Variants in GPR63 observed in about 807,000 individuals in gnomAD.
GPR63 encodes the protein probable G protein-coupled receptor 63.
A neutral mutation model predicts 23.1 loss-of-function variants in GPR63; 12 were observed. The observed-to-expected ratio is 0.52, with a 90% CI of 0.33 to 0.84. The LOEUF (loss-of-function observed/expected upper bound fraction) is 0.84, where lower values mean the gene tolerates loss of function less well. Among genes scored for constraint, GPR63 ranks in the 40% least tolerant of loss-of-function variants. The pLI is 0.02. For missense variants in GPR63, 472 were observed against 515.6 expected (o/e 0.92, Z 0.82); for synonymous variants, 172 against 191.1 (o/e 0.90, Z 0.82).
intron 1 of GPR63, among the ~76,000 whole-genome samples, chr6:96,831,784 T>TAA (rs1324481907): frequency 1.3e-5 from 2 of 151,866 alleles, no homozygotes; most frequent in African/African-American, 4.8e-5. Context: ...TCGGCACCAG[T>TAA]AATCCCAGGT....
intron 1 of GPR63, among the ~76,000 whole-genome samples, chr6:96,820,383 G>A (rs1027452085): frequency 7.2e-5 from 11 of 152,028 alleles, no homozygotes; most frequent in African/African-American, 1.9e-4. Flanking sequence ...TATTCTCATC[G>A]GTAAAGGGCA....
At chr6:96,814,503 C>A (rs1774115200) in intron 1 of GPR63, among the ~76,000 whole-genome samples, 1 of 152,104 alleles carries the variant, frequency 6.6e-6, no homozygotes, top group Non-Finnish European at 1.5e-5. Context: ...GAGAATTAAA[C>A]CAAGGCTCAG....
intron 1 of GPR63, among the ~76,000 whole-genome samples, chr6:96,826,603 GTT>G (rs1307598015): frequency 5.3e-5 from 8 of 151,974 alleles, no homozygotes; most frequent in Non-Finnish European, 1.2e-4. Context: ...TTTTATACAT[GTT>G]TATGATCCCA....
At position 96,795,232 on chromosome 6, in the gene GPR63, T is replaced by G. The variant is rs187124330; in HGVS notation, c.*3240A>C. 6.6e-6 allele frequency: 1 copy of G among 152,226 alleles called. No homozygotes were observed. Among genetic ancestry groups the G allele is most frequent in the Non-Finnish European group, 1.5e-5 (1 of 68,036 alleles). The allele number at this position is 152,226 out of a possible 1,614,324, so 9.4% of individuals were successfully genotyped here. A position where few individuals can be genotyped will look rare whatever the true frequency, so the allele number is the denominator to read the frequency against. On this transcript the variant is annotated 3_prime_UTR_variant, in exon 2 of 2. Transcript: ENST00000229955. ...ACTCCATACTATTTGGAATTTCCCTTGCATCTTTCTTTTGACCACAAATAT... is the reference window on the plus strand; with the variant it reads ...ACTCCATACTATTTGGAATTTCCCTGGCATCTTTCTTTTGACCACAAATAT...
At chr6:96,827,728 G>A (rs1488653514) in intron 1 of GPR63, among the ~76,000 whole-genome samples, 1 of 152,016 alleles carries the variant, frequency 6.6e-6, no homozygotes, top group African/African-American at 2.4e-5. Flanking sequence ...ATAAAATTCA[G>A]AAGACAATGA....
chr6:96,799,158 G>C lies in GPR63; in HGVS notation c.574C>G (p.Pro192Ala), dbSNP rs1773684273. 6.2e-7 allele frequency: 1 copy of C among 1,614,070 alleles called. No homozygotes were observed. Among genetic ancestry groups the C allele is most frequent in the East Asian group, 2.2e-5 (1 of 44,882 alleles). ...IIVQRQDKLN[P>A]YRAKVLIAVS... ...GCAATCAGAACCTTAGCTCTATATGGGTTTAGCTTATCCTGCCTCTGGACT... is the reference window on the plus strand; with the variant it reads ...GCAATCAGAACCTTAGCTCTATATGCGTTTAGCTTATCCTGCCTCTGGACT... The change falls in exon 2 of 2, where the codon CCA becomes GCA. Residue 192 changes from proline to alanine, a missense_variant. Pro to Ala is a conservative substitution (Grantham distance 27, BLOSUM62 -1). Coordinates refer to ENST00000229955, the MANE Select transcript of GPR63 (RefSeq NM_030784.4).
At chr6:96,809,023 G>C (rs1373459938) in intron 1 of GPR63, among the ~76,000 whole-genome samples, 1 of 151,206 alleles carries the variant, frequency 6.6e-6, no homozygotes, top group East Asian at 1.9e-4. Flanking sequence ...CTTCAAGATG[G>C]TTTTATTCTC....
chr6:96,835,261 C>T (rs1774695479), intron 1 of GPR63, among the ~76,000 whole-genome samples: 1 of 152,128 alleles, frequency 6.6e-6, no homozygotes, highest in East Asian at 1.9e-4. Flanking sequence ...TTTAGACCTA[C>T]TGTTCCTGGT....
chr6:96,807,256 T>C (rs779864748), intron 1 of GPR63, among the ~76,000 whole-genome samples: 12 of 152,188 alleles, frequency 7.9e-5, no homozygotes, highest in Admixed American at 2.6e-4. Flanking sequence ...ATGAACAACA[T>C]AGCCATGGCA....
chr6:96,813,140 C>G (rs902656165), intron 1 of GPR63, among the ~76,000 whole-genome samples: 26 of 152,060 alleles, frequency 1.7e-4, no homozygotes, highest in African/African-American at 6.3e-4. Flanking sequence ...CCATAATGAC[C>G]TCCAGTTCCA....
chr6:96,819,523 A>T (rs1180413073), intron 1 of GPR63, among the ~76,000 whole-genome samples: 2 of 151,534 alleles, frequency 1.3e-5, no homozygotes, highest in Non-Finnish European at 2.9e-5. Flanking sequence ...GTCGGGGTGC[A>T]GGGGGACAGG....
chr6:96,819,837 G>A (rs542248798), intron 1 of GPR63, among the ~76,000 whole-genome samples: 24 of 151,524 alleles, frequency 1.6e-4, no homozygotes, highest in African/African-American at 5.8e-4. Flanking sequence ...TTAGCTAGGC[G>A]TGGTGGCGGG....
chr6:96,812,407 C>T (rs1397572856), intron 1 of GPR63, among the ~76,000 whole-genome samples: 2 of 152,072 alleles, frequency 1.3e-5, no homozygotes, highest in African/African-American at 2.4e-5. Flanking sequence ...GATTTATTTG[C>T]CTTCCTGTTA....
At chr6:96,827,074 C>A (rs1774458991) in intron 1 of GPR63, among the ~76,000 whole-genome samples, 1 of 144,448 alleles carries the variant, frequency 6.9e-6, no homozygotes, top group African/African-American at 2.5e-5. Flanking sequence ...ACAAAAACCT[C>A]AAAATAAAGC....
intron 1 of GPR63, among the ~76,000 whole-genome samples, chr6:96,836,632 A>T (rs570646183): frequency 2.0e-5 from 3 of 152,158 alleles, no homozygotes; most frequent in African/African-American, 7.2e-5. Flanking sequence ...CCTCCACAAC[A>T]TATTTTATTA....
intron 1 of GPR63, among the ~76,000 whole-genome samples, chr6:96,807,800 A>C (rs763514472): frequency 6.6e-6 from 1 of 152,216 alleles, no homozygotes. Flanking sequence ...GTTAGGAAGT[A>C]TAATATCAAA....
intron 1 of GPR63, among the ~76,000 whole-genome samples, chr6:96,836,488 G>C (rs1440342328): frequency 6.6e-6 from 1 of 152,042 alleles, no homozygotes; most frequent in East Asian, 1.9e-4. Flanking sequence ...TGCTACTATA[G>C]GGATGCCTGT....
At chr6:96,820,544 T>G (rs1194560797) in intron 1 of GPR63, among the ~76,000 whole-genome samples, 1 of 152,192 alleles carries the variant, frequency 6.6e-6, no homozygotes, top group Non-Finnish European at 1.5e-5. Context: ...CTTTTTATAT[T>G]AATCTCTAGG....
At chr6:96,816,603 G>T (rs1774171243) in intron 1 of GPR63, among the ~76,000 whole-genome samples, 1 of 152,194 alleles carries the variant, frequency 6.6e-6, no homozygotes. Flanking sequence ...TGCAATTCGT[G>T]TTATTTTTCA....
Sources: gnomAD v4.1 joint callset for allele counts (sites outside exome capture counted in the v4.1 genomes callset) on GRCh38, gnomAD v4.1.1 for gene constraint, MANE v1.5 for transcripts, NCBI Gene and HGNC (gene_info 2026-07-23, HGNC 2026-07-21) for gene names.